NR3C2: variants seen among roughly 807,000 people sequenced by gnomAD.
NR3C2 encodes mineralocorticoid receptor.
NR3C2 carries 15 observed loss-of-function variants against 86.4 expected under a neutral mutation model. The observed-to-expected ratio is 0.17, with a 90% CI of 0.12 to 0.27. NR3C2 has a LOEUF of 0.27. Among genes scored for constraint, NR3C2 ranks in the 10% least tolerant of loss-of-function variants. NR3C2 has a pLI of 1.00. For synonymous variants in NR3C2, 458 were observed against 450.5 expected (o/e 1.02, Z -0.21); for missense variants, 960 against 1,195.6 (o/e 0.80, Z 2.91).
upstream of NR3C2, among the ~76,000 whole-genome samples, chr4:148,443,474 GT>G (rs1312466342): frequency 1.3e-5 from 2 of 152,088 alleles, no homozygotes; most frequent in Non-Finnish European, 2.9e-5. Context: ...GAACCAAACT[GT>G]TTTCTAAGGA....
At position 148,080,678 on chromosome 4, in the gene NR3C2, AAC is replaced by A. The variant is rs1730502469; in HGVS notation, c.*664_*665del. On this transcript the variant is annotated 3_prime_UTR_variant, in exon 9 of 9. Coordinates refer to ENST00000358102, the MANE Select transcript of NR3C2 (RefSeq NM_000901.5). ...ACTGCAAAAAATTATTTGTAAAGCC[AAC>A]ACAATAGATACTAGAAATCAAACCA... The A allele has an allele frequency of 4.1e-6, 1 of 242,038 alleles. No homozygotes were observed. Among genetic ancestry groups the A allele is most frequent in the Admixed American group, 4.4e-5 (1 of 22,598 alleles). The allele number at this position is 242,038 out of a possible 1,614,324, so 15.0% of individuals were successfully genotyped here.
chr4:148,432,985 A>G (rs1308860026), intron 2 of NR3C2, among the ~76,000 whole-genome samples: 2 of 152,188 alleles, frequency 1.3e-5, no homozygotes, highest in Admixed American at 6.5e-5. Context: ...TAGTATGTAT[A>G]TAAGCAGAAT....
intron 2 of NR3C2, among the ~76,000 whole-genome samples, chr4:148,415,796 T>C (rs527931620): frequency 2.0e-5 from 3 of 152,348 alleles, no homozygotes; most frequent in African/African-American, 7.2e-5. Flanking sequence ...AATAAAATCA[T>C]TACTGCTGCT....
At chr4:148,328,523 T>C (rs1172379106) in intron 2 of NR3C2, among the ~76,000 whole-genome samples, 2 of 152,168 alleles carry the variant, frequency 1.3e-5, no homozygotes, top group African/African-American at 4.8e-5. Flanking sequence ...CCAACTCAGG[T>C]TGGCATAAAA....
Position 148,417,025 on chromosome 4 carries a change from C to T in NR3C2, c.1757+18079G>A, listed in dbSNP as rs189966198. Among the ~76,000 whole-genome samples, 13 of 152,268 alleles carry T rather than the reference C, an allele frequency of 8.5e-5. No homozygotes were observed. In the East Asian group the frequency reaches 1.7e-3, roughly 20 times the overall value. On this transcript the variant is annotated intron_variant, in intron 2 of 8. Coordinates refer to ENST00000358102, the MANE Select transcript of NR3C2 (RefSeq NM_000901.5). ...CTGCTGACCTCAGGTGATCCACCCG[C>T]CTCCGCCTCGCAAAGTGCTGGGATT...
At chr4:148,307,906 T>C (rs1046586973) in intron 2 of NR3C2, among the ~76,000 whole-genome samples, 5 of 149,324 alleles carry the variant, frequency 3.3e-5, no homozygotes, top group African/African-American at 1.2e-4. Context: ...GAAAAAAAGT[T>C]AATACTGAGA....
chr4:148,260,873 G>C (rs1222569327), intron 2 of NR3C2, among the ~76,000 whole-genome samples: 1 of 152,136 alleles, frequency 6.6e-6, no homozygotes, highest in African/African-American at 2.4e-5. Flanking sequence ...ATCTTCTCAA[G>C]ATATATTATA....
At chr4:148,173,629 G>A (rs1488044280) in intron 4 of NR3C2, among the ~76,000 whole-genome samples, 1 of 152,228 alleles carries the variant, frequency 6.6e-6, no homozygotes, top group Admixed American at 6.5e-5. Flanking sequence ...GCAGAACTGT[G>A]AGATAATAAA....
chr4:148,196,964 A>G (rs1460645104), intron 3 of NR3C2, among the ~76,000 whole-genome samples: 2 of 152,212 alleles, frequency 1.3e-5, no homozygotes, highest in Non-Finnish European at 1.5e-5. Context: ...TTAGAGTTCT[A>G]TGTTAGTTAA....
intron 8 of NR3C2, among the ~76,000 whole-genome samples, chr4:148,107,172 A>C (rs1036790431): frequency 6.6e-6 from 1 of 152,098 alleles, no homozygotes; most frequent in African/African-American, 2.4e-5. Context: ...AAGAAAAAAA[A>C]CCAAAAACCC....
chr4:148,140,654 A>C (rs529433939), intron 6 of NR3C2, among the ~76,000 whole-genome samples: 1 of 152,254 alleles, frequency 6.6e-6, no homozygotes, highest in African/African-American at 2.4e-5. Context: ...CAATATGCTA[A>C]TATTAGCCAC....
In NR3C2 at chr4:148,130,814, G is replaced by GTTTTTT. The variant is rs1193845630; in HGVS notation, c.2511-10527_2511-10526insAAAAAA. On this transcript the variant is annotated intron_variant, in intron 6 of 8. Transcript: ENST00000358102. Reference sequence around the variant, plus strand: ...TTTTTTTTTTGTTTTGTTTTGTTTTGTTTTGTTTTTTTTTTTTTTTTTTTT... The same window carrying GTTTTTT: ...TTTTTTTTTTGTTTTGTTTTGTTTTGTTTTTTTTTTGTTTTTTTTTTTTTTTTTTTT... Among the ~76,000 whole-genome samples the GTTTTTT allele has an allele frequency of 8.7e-3, 666 of 76,898 alleles. 16 individuals are homozygous for GTTTTTT. The highest frequency in any genetic ancestry group is 0.014 in the Non-Finnish European group (504 of 36,240). The allele number at this position is 76,898 out of a possible 152,430, so 50.4% of individuals were successfully genotyped here. A position where few individuals can be genotyped will look rare whatever the true frequency, so the allele number is the denominator to read the frequency against.
At chr4:148,251,073 C>A (rs189042440) in intron 3 of NR3C2, among the ~76,000 whole-genome samples, 116 of 152,192 alleles carry the variant, frequency 7.6e-4, no homozygotes, top group Admixed American at 2.2e-3. Context: ...CCTCAGCCCC[C>A]CAAGGAGCTG....
chr4:148,107,055 T>C (rs1731831491), intron 8 of NR3C2, among the ~76,000 whole-genome samples: 1 of 152,116 alleles, frequency 6.6e-6, no homozygotes, highest in Admixed American at 6.6e-5. Context: ...ATAGAAACTA[T>C]TATCAGACTG....
chr4:148,318,450 C>T (rs899282047), intron 2 of NR3C2, among the ~76,000 whole-genome samples: 2 of 149,194 alleles, frequency 1.3e-5, no homozygotes, highest in Admixed American at 1.3e-4. Context: ...GGAATCGCCA[C>T]ACTGACTTCC....
At chr4:148,269,181 C>A (rs1740544208) in intron 2 of NR3C2, among the ~76,000 whole-genome samples, 1 of 151,978 alleles carries the variant, frequency 6.6e-6, no homozygotes, top group Non-Finnish European at 1.5e-5. Context: ...GAAGAGCTTG[C>A]TAACAAACCT....
At chr4:148,293,165 A>C (rs1741877556) in intron 2 of NR3C2, among the ~76,000 whole-genome samples, 1 of 152,174 alleles carries the variant, frequency 6.6e-6, no homozygotes, top group Non-Finnish European at 1.5e-5. Flanking sequence ...CTTTCCAATA[A>C]TATACATGTA....
chr4:148,267,781 AACC>A (rs1740472722), intron 2 of NR3C2, among the ~76,000 whole-genome samples: 1 of 152,174 alleles, frequency 6.6e-6, no homozygotes, highest in Admixed American at 6.5e-5. Flanking sequence ...AGGATTTGGA[AACC>A]ACCAATATTT....
At chr4:148,342,330 C>T (rs553236603) in intron 2 of NR3C2, among the ~76,000 whole-genome samples, 9 of 152,152 alleles carry the variant, frequency 5.9e-5, no homozygotes, top group East Asian at 1.9e-4. Flanking sequence ...AGGTGCGTGA[C>T]GGTCAGCATT....
Sources: allele counts gnomAD v4.1 joint callset (sites outside exome capture counted in the v4.1 genomes callset), GRCh38; gene constraint gnomAD v4.1.1; transcripts MANE v1.5; gene names NCBI Gene and HGNC (gene_info 2026-07-23, HGNC 2026-07-21).